The following QTGAL variants were observed in gnomAD, a reference collection of about 807,000 sequenced individuals.
The protein encoded by QTGAL is queuosine-tRNA galactosyltransferase, also known as BGnT-like protein 1.
the QTGAL span, among the ~76,000 whole-genome samples, chr17:83,021,340 A>G: frequency 4.3e-4 from 11 of 25,808 alleles, no homozygotes; most frequent in African/African-American, 1.2e-3. Flanking sequence ...AGAATATGCA[A>G]AAAAAAAACT....
the QTGAL span, chr17:82,961,334 T>G: frequency 1.2e-5 from 10 of 847,532 alleles, no homozygotes; most frequent in African/African-American, 2.1e-5. Context: ...AACAGGGACG[T>G]GGGGCGGCGA....
chr17:82,961,379 G>A, the QTGAL span: 1 of 608,756 alleles, frequency 1.6e-6, no homozygotes, highest in Non-Finnish European at 2.8e-6. Flanking sequence ...CTTCTCCACA[G>A]GCGGGAAAGA....
the QTGAL span, among the ~76,000 whole-genome samples, chr17:83,008,113 A>G: frequency 6.6e-6 from 1 of 152,188 alleles, no homozygotes; most frequent in Admixed American, 6.5e-5. Context: ...TATGCGCTTA[A>G]TCCTGCACCG....
the QTGAL span, among the ~76,000 whole-genome samples, chr17:83,028,653 C>T: frequency 1.3e-5 from 2 of 152,160 alleles, no homozygotes; most frequent in Non-Finnish European, 1.5e-5. Flanking sequence ...AGCATCAACG[C>T]CGCAGAGCCC....
the QTGAL span, chr17:82,944,714 C>A: frequency 6.6e-6 from 1 of 152,196 alleles, no homozygotes; most frequent in South Asian, 2.1e-4. Context: ...TACCCACAAA[C>A]ACGTTCTAGG....
the QTGAL span, among the ~76,000 whole-genome samples, chr17:83,037,920 C>T: frequency 6.6e-6 from 1 of 152,022 alleles, no homozygotes; most frequent in Non-Finnish European, 1.5e-5. The surrounding 1 kb of genome is among the most constrained non-coding windows in gnomAD (Gnocchi z 5.2). Context: ...GAGGCCAGTC[C>T]CTTTGTGAGG....
the QTGAL span, among the ~76,000 whole-genome samples, chr17:83,051,293 G>GGTGCGCAA: frequency 6.8e-6 from 1 of 147,954 alleles, no homozygotes; most frequent in African/African-American, 2.5e-5. Context: ...CAGGTGCGCA[G>GGTGCGCAA]GAGCGAGGCG....
the QTGAL span, among the ~76,000 whole-genome samples, chr17:83,012,506 G>A: frequency 1.3e-5 from 2 of 152,172 alleles, no homozygotes; most frequent in African/African-American, 4.8e-5. Flanking sequence ...TGTAAAAATC[G>A]CTGTGGCACC....
At chr17:82,988,258 AGGATTC>A in the QTGAL span, among the ~76,000 whole-genome samples, 1 of 152,250 alleles carries the variant, frequency 6.6e-6, no homozygotes, top group Non-Finnish European at 1.5e-5. Flanking sequence ...TAATGGGGAA[AGGATTC>A]CCTGTTTAAT....
chr17:83,044,173 TATC>T, the QTGAL span, among the ~76,000 whole-genome samples: 1 of 152,194 alleles, frequency 6.6e-6, no homozygotes, highest in African/African-American at 2.4e-5. Context: ...CACACAAAGA[TATC>T]ATATGAATAG....
the QTGAL span, among the ~76,000 whole-genome samples, chr17:83,041,964 A>G: frequency 6.6e-6 from 1 of 152,262 alleles, no homozygotes; most frequent in Non-Finnish European, 1.5e-5. Flanking sequence ...CTAAACAGGA[A>G]CTCATAGAGA....
chr17:82,984,119 G>A, the QTGAL span, among the ~76,000 whole-genome samples: 1 of 130,168 alleles, frequency 7.7e-6, no homozygotes, highest in Non-Finnish European at 1.6e-5. Context: ...TGAGCACATG[G>A]GGGAGAGGCC....
At chr17:82,960,784 G>A in the QTGAL span, among the ~76,000 whole-genome samples, 1 of 152,234 alleles carries the variant, frequency 6.6e-6, no homozygotes, top group African/African-American at 2.4e-5. Flanking sequence ...GAAGGACCCG[G>A]CGCGTGGTCA....
chr17:83,008,989 C>T, the QTGAL span, among the ~76,000 whole-genome samples: 1 of 152,164 alleles, frequency 6.6e-6, no homozygotes, highest in South Asian at 2.1e-4. Flanking sequence ...AAGGTGAACC[C>T]ATCACACAGA....
the QTGAL span, among the ~76,000 whole-genome samples, chr17:83,046,582 T>A: frequency 6.6e-6 from 1 of 152,100 alleles, no homozygotes; most frequent in African/African-American, 2.4e-5. Context: ...AAATAACAAG[T>A]GTTGATGAGG....
the QTGAL span, among the ~76,000 whole-genome samples, chr17:82,997,330 T>C: frequency 1.3e-5 from 2 of 152,140 alleles, no homozygotes; most frequent in Admixed American, 6.5e-5. Flanking sequence ...AAATAAAACA[T>C]ACAATTTTTC....
the QTGAL span, among the ~76,000 whole-genome samples, chr17:82,999,315 C>T: frequency 3.3e-5 from 5 of 152,030 alleles, no homozygotes; most frequent in African/African-American, 9.7e-5. Flanking sequence ...CACTGTCATG[C>T]ACAAAGGCTT....
the QTGAL span, chr17:82,978,700 A>AT: frequency 6.6e-6 from 1 of 152,062 alleles, no homozygotes; most frequent in Non-Finnish European, 1.5e-5. The surrounding 1 kb of genome is among the most constrained non-coding windows in gnomAD (Gnocchi z 4.8). Flanking sequence ...AAAAAATCTG[A>AT]TTTTGCTATG....
chr17:83,005,844 T>C, the QTGAL span: 1 of 1,319,442 alleles, frequency 7.6e-7, no homozygotes, highest in Non-Finnish European at 9.9e-7. This position sits in a 1 kb window ranked among gnomAD's most constrained non-coding sequence, Gnocchi z 5.6. Context: ...TCTCAACCCT[T>C]CCCCCGCCCT....
Sources: allele counts gnomAD v4.1 joint callset (sites outside exome capture counted in the v4.1 genomes callset), GRCh38; gene constraint gnomAD v4.1.1; non-coding constraint Gnocchi (gnomAD v3.1); transcripts MANE v1.5; gene names NCBI Gene and HGNC (gene_info 2026-07-23, HGNC 2026-07-21).